CAMTA1: variants seen among roughly 807,000 people sequenced by gnomAD.
CAMTA1 encodes the protein calmodulin binding transcription activator 1.
Under a neutral mutation model 170.9 loss-of-function variants are expected in CAMTA1, and 27 were observed. The ratio of observed to expected loss-of-function variants is 0.16; its 90% CI spans 0.12 to 0.22. The LOEUF (loss-of-function observed/expected upper bound fraction) is 0.22, where lower values mean the gene tolerates loss of function less well. CAMTA1 is among the 10% of genes least tolerant of loss of function. The pLI is 1.00. For synonymous variants in CAMTA1, 833 were observed against 891.5 expected (o/e 0.93, Z 1.17); for missense variants, 1,619 against 2,217.2 (o/e 0.73, Z 5.42).
At chr1:6,881,036 T>C (rs1671424751) in intron 3 of CAMTA1, among the ~76,000 whole-genome samples, 1 of 152,214 alleles carries the variant, frequency 6.6e-6, no homozygotes, top group African/African-American at 2.4e-5. Flanking sequence ...CTGCTGTCAT[T>C]ATCCCCATTT....
intron 3 of CAMTA1, among the ~76,000 whole-genome samples, chr1:6,866,855 A>T (rs1011651297): frequency 6.6e-6 from 1 of 152,200 alleles, no homozygotes; most frequent in Non-Finnish European, 1.5e-5. Context: ...TGTGTTTATT[A>T]TGTATTTCTA....
intron 3 of CAMTA1, among the ~76,000 whole-genome samples, chr1:7,037,169 GTTC>G (rs1202874129): frequency 2.6e-5 from 4 of 152,160 alleles, no homozygotes; most frequent in Admixed American, 6.5e-5. Flanking sequence ...CATTTGTTTA[GTTC>G]TTTCTACTTG....
chr1:7,056,680 C>T (rs1415856178), intron 3 of CAMTA1, among the ~76,000 whole-genome samples: 3 of 151,350 alleles, frequency 2.0e-5, no homozygotes, highest in Admixed American at 6.6e-5. Context: ...GGCAGACCCC[C>T]GAGGGACTCC....
At chr1:7,632,093 C>T (rs1345681804) in intron 6 of CAMTA1, among the ~76,000 whole-genome samples, 5 of 152,260 alleles carry the variant, frequency 3.3e-5, no homozygotes, top group Non-Finnish European at 5.9e-5. Context: ...CAGCCTTGCA[C>T]ACCCGTTTCA....
rs530845505 is a variant in CAMTA1, at chr1:6,845,918, A to G, written c.234+20708A>G. The stretch of plus-strand genomic sequence containing the variant: ...AGGTTTAATGGACTCACAATTCCAC[A>G]TGGCTGGGGAGGCCTCACAATCATG... On this transcript the variant is annotated intron_variant, in intron 3 of 22. Transcript: ENST00000303635. Among the ~76,000 whole-genome samples, 6 of 152,348 alleles carry G rather than the reference A, an allele frequency of 3.9e-5. No homozygotes were observed. The East Asian group carries it at 7.7e-4, about 20-fold the overall frequency.
At chr1:7,165,016 T>G (rs1648081533) in intron 4 of CAMTA1, among the ~76,000 whole-genome samples, 1 of 152,226 alleles carries the variant, frequency 6.6e-6, no homozygotes, top group Non-Finnish European at 1.5e-5. Flanking sequence ...TTAAATAAAA[T>G]GTAGCTGAAA....
At chr1:7,581,751 T>C (rs1403867526) in intron 6 of CAMTA1, among the ~76,000 whole-genome samples, 1 of 152,234 alleles carries the variant, frequency 6.6e-6, no homozygotes, top group Non-Finnish European at 1.5e-5. Context: ...TAGCATCCTC[T>C]TGCTGGGAAT....
chr1:7,106,243 G>GGAGGGAGGAAGGGAGAGAGAGA (rs1553247373), intron 4 of CAMTA1, among the ~76,000 whole-genome samples: 1 of 150,964 alleles, frequency 6.6e-6, no homozygotes, highest in Non-Finnish European at 1.5e-5. Context: ...ATACACTGAG[G>GGAGGGAGGAAGGGAGAGAGAGA]GAGGGAGGAA....
At chr1:6,788,553 G>C (rs944646905) in intron 1 of CAMTA1, among the ~76,000 whole-genome samples, 22 of 152,168 alleles carry the variant, frequency 1.4e-4, no homozygotes, top group African/African-American at 5.3e-4. Context: ...TCTGTAGTCA[G>C]CTTGATGGGA....
chr1:7,729,214 T>A lies in CAMTA1; in HGVS notation c.2915-3234T>A, dbSNP rs558326712. Among the ~76,000 whole-genome samples the A allele has an allele frequency of 7.2e-5, 11 of 151,846 alleles. No homozygotes were observed. The South Asian group carries it at 2.3e-3, about 32-fold the overall frequency. ...TCACTGTAACCTCCACCTCCTGAGT[T>A]CAAGCGATTTTCCTGTATCAGCCTC... is the stretch of plus-strand genomic sequence containing the variant. On this transcript the variant is annotated intron_variant, in intron 11 of 22. Transcript: ENST00000303635.
intron 3 of CAMTA1, among the ~76,000 whole-genome samples, chr1:7,023,042 A>G (rs1422502712): frequency 6.6e-6 from 1 of 152,164 alleles, no homozygotes; most frequent in East Asian, 1.9e-4. Context: ...AAAACTGGGA[A>G]CAAGAAGGGA....
intron 5 of CAMTA1, among the ~76,000 whole-genome samples, chr1:7,318,881 A>G (rs1677938076): frequency 6.6e-6 from 1 of 152,186 alleles, no homozygotes; most frequent in African/African-American, 2.4e-5. Flanking sequence ...GAACAAGGGA[A>G]TGGAGGTGGG....
intron 3 of CAMTA1, among the ~76,000 whole-genome samples, chr1:6,988,711 G>T (rs937863046): frequency 7.9e-5 from 12 of 152,148 alleles, no homozygotes; most frequent in Non-Finnish European, 4.4e-5. Flanking sequence ...CAACGGGTTG[G>T]GCCGCATGTG....
chr1:7,285,931 T>C (rs1040235830), intron 5 of CAMTA1, among the ~76,000 whole-genome samples: 6 of 152,112 alleles, frequency 3.9e-5, no homozygotes, highest in Non-Finnish European at 8.8e-5. Context: ...TGCTACAAAT[T>C]CCCAGGCCAC....
At chr1:7,442,237 A>T (rs965538958) in intron 5 of CAMTA1, among the ~76,000 whole-genome samples, 1 of 152,212 alleles carries the variant, frequency 6.6e-6, no homozygotes, top group African/African-American at 2.4e-5. Context: ...AACTACTGTC[A>T]TTCATTAATC....
At chr1:7,499,036 A>G (rs2093908426) in intron 6 of CAMTA1, among the ~76,000 whole-genome samples, 1 of 126,666 alleles carries the variant, frequency 7.9e-6, no homozygotes. Context: ...GAGTGTGTAG[A>G]GAGGATTGTG....
At chr1:7,270,274 C>CAT (rs1553296722) in intron 5 of CAMTA1, among the ~76,000 whole-genome samples, 78 of 29,714 alleles carry the variant, frequency 2.6e-3, no homozygotes, top group South Asian at 6.8e-3. Context: ...CACACACACA[C>CAT]ATATATATAT....
At chr1:7,531,805 TGAGACTTCA>T (rs2094495478) in intron 6 of CAMTA1, among the ~76,000 whole-genome samples, 1 of 152,234 alleles carries the variant, frequency 6.6e-6, no homozygotes, top group South Asian at 2.1e-4. Context: ...ACAGAGCGGC[TGAGACTTCA>T]GAGGACTATG....
rs552888587 is a variant in CAMTA1, at chr1:7,404,291, C to T, written c.439-63539C>T. On this transcript the variant is annotated intron_variant, in intron 5 of 22. Transcript: ENST00000303635. ...CTCCCGGAAGATGCCTTTGTACTTG[C>T]TTTTTCTACTCAGACCTCACTCTGG... Among the ~76,000 whole-genome samples, 3 of 152,328 alleles carry T rather than the reference C, an allele frequency of 2.0e-5. No homozygotes were observed. In the East Asian group the frequency reaches 5.8e-4, roughly 29 times the overall value.
Sources: gnomAD v4.1 joint callset for allele counts (sites outside exome capture counted in the v4.1 genomes callset) on GRCh38, gnomAD v4.1.1 for gene constraint, MANE v1.5 for transcripts, NCBI Gene and HGNC (gene_info 2026-07-23, HGNC 2026-07-21) for gene names.